Variants in PDZD2 observed in about 807,000 individuals in gnomAD.
The protein encoded by PDZD2 is PDZ domain-containing protein 2.
Under a neutral mutation model 220.7 loss-of-function variants are expected in PDZD2, and 90 were observed. The observed-to-expected ratio is 0.41, with a 90% CI of 0.34 to 0.49. The LOEUF (loss-of-function observed/expected upper bound fraction) is 0.49, where lower values mean the gene tolerates loss of function less well. Among genes scored for constraint, PDZD2 ranks in the 20% least tolerant of loss-of-function variants. The pLI is 0.28. For synonymous variants in PDZD2, 1,375 were observed against 1,450.5 expected (o/e 0.95, Z 1.18); for missense variants, 3,174 against 3,608.5 (o/e 0.88, Z 3.08).
Position 31,799,488 on chromosome 5 carries a change from A to C in PDZD2, c.240A>C (p.Thr80=), listed in dbSNP as rs1264649598. ...ACCTCACCAAGGAGCTGGGGGACAC[A>C]GAGACTGTGGGCCTGAGTTTTGGGA... The part of the protein sequence containing the change: ...TVYLTKELGD[T]ETVGLSFGNI... Residue 80 remains threonine, a synonymous_variant, in exon 2 of 25, where the codon ACA becomes ACC. Transcript: ENST00000438447. The C allele has an allele frequency of 2.5e-6, 4 of 1,614,106 alleles. No homozygotes were observed. Among genetic ancestry groups the C allele is most frequent in the Non-Finnish European group, 3.4e-6 (4 of 1,180,044 alleles).
intron 2 of PDZD2, among the ~76,000 whole-genome samples, chr5:31,813,792 A>G (rs1341069322): frequency 6.6e-6 from 1 of 152,238 alleles, no homozygotes; most frequent in Non-Finnish European, 1.5e-5. Flanking sequence ...CTGAAGTTTC[A>G]AAGAAAGAGT....
At chr5:32,082,693 TACAC>T (rs1742087906) in intron 19 of PDZD2, among the ~76,000 whole-genome samples, 1 of 152,236 alleles carries the variant, frequency 6.6e-6, no homozygotes, top group Non-Finnish European at 1.5e-5. Context: ...TAGTATATGA[TACAC>T]AGTAAGATAC....
intron 1 of PDZD2, among the ~76,000 whole-genome samples, chr5:31,706,991 A>C (rs1350859278): frequency 1.3e-5 from 2 of 151,684 alleles, no homozygotes; most frequent in African/African-American, 4.8e-5. Context: ...GCTTTTAAGG[A>C]GGTAATTAAA....
chr5:31,917,843 A>G (rs757988243), intron 2 of PDZD2, among the ~76,000 whole-genome samples: 2 of 152,104 alleles, frequency 1.3e-5, no homozygotes, highest in African/African-American at 2.4e-5. Context: ...CCCAGGTTCA[A>G]TCAATTCTGT....
intron 1 of PDZD2, among the ~76,000 whole-genome samples, chr5:31,786,722 A>C (rs1753402139): frequency 6.6e-6 from 1 of 152,116 alleles, no homozygotes; most frequent in Non-Finnish European, 1.5e-5. Context: ...AAACCACCTC[A>C]TTTGGCAGGT....
intron 1 of PDZD2, among the ~76,000 whole-genome samples, chr5:31,669,495 T>A (rs1228132221): frequency 6.6e-6 from 1 of 151,948 alleles, no homozygotes; most frequent in East Asian, 1.9e-4. Context: ...TGTCCTGGCC[T>A]CATCTCCCGT....
chr5:32,101,770 T>C (rs1001791841), intron 24 of PDZD2, among the ~76,000 whole-genome samples: 6 of 152,264 alleles, frequency 3.9e-5, no homozygotes, highest in African/African-American at 1.4e-4. Flanking sequence ...ATTATTGAAA[T>C]GCTTGGTAAA....
At chr5:32,002,359 C>G (rs1362531488) in intron 5 of PDZD2, among the ~76,000 whole-genome samples, 1 of 152,024 alleles carries the variant, frequency 6.6e-6, no homozygotes, top group Non-Finnish European at 1.5e-5. Flanking sequence ...TCTCTTGAGT[C>G]CATCGCGCTC....
At chr5:31,823,805 T>G (rs1354493300) in intron 2 of PDZD2, among the ~76,000 whole-genome samples, 1 of 152,190 alleles carries the variant, frequency 6.6e-6, no homozygotes, top group African/African-American at 2.4e-5. Flanking sequence ...TTTACAGATG[T>G]TTTACAGGAG....
chr5:31,803,572 T>C (rs944519239), intron 2 of PDZD2, among the ~76,000 whole-genome samples: 2 of 151,946 alleles, frequency 1.3e-5, no homozygotes, highest in African/African-American at 4.8e-5. Flanking sequence ...AGGGAGAATA[T>C]TGGCTTGGTG....
chr5:31,857,819 G>T (rs1182740135), intron 2 of PDZD2, among the ~76,000 whole-genome samples: 2 of 151,478 alleles, frequency 1.3e-5, no homozygotes, highest in Non-Finnish European at 3.0e-5. Context: ...TCGTGTGTGT[G>T]TATTTTTATT....
At chr5:31,901,680 G>A (rs1007161517) in intron 2 of PDZD2, among the ~76,000 whole-genome samples, 10 of 152,070 alleles carry the variant, frequency 6.6e-5, no homozygotes, top group African/African-American at 1.4e-4. Flanking sequence ...GTAAATTCAA[G>A]CAGATCTGTA....
chr5:32,069,511 T>G (rs1014799233), intron 14 of PDZD2, 58 bp from the exon 15 acceptor site: 3 of 996,804 alleles, frequency 3.0e-6, no homozygotes, highest in Non-Finnish European at 4.8e-6. Flanking sequence ...CTAGGTACTT[T>G]CATTGGGAGA....
At chr5:31,877,273 C>T (rs1054309109) in intron 2 of PDZD2, among the ~76,000 whole-genome samples, 7 of 151,882 alleles carry the variant, frequency 4.6e-5, no homozygotes, top group African/African-American at 1.7e-4. Context: ...TGGAGTGCAG[C>T]GGTGCAATCT....
At position 32,098,262 on chromosome 5, in the gene PDZD2, G is replaced by T; in HGVS notation, c.7948-102G>T. 1 of 1,155,184 alleles carries T rather than the reference G, an allele frequency of 8.7e-7. No individual in the cohort carries two copies. The highest frequency in any genetic ancestry group is 1.5e-5 in the African/African-American group (1 of 64,590). The allele number at this position is 1,155,184 out of a possible 1,614,324, so 71.6% of individuals were successfully genotyped here. A position where few individuals can be genotyped will look rare whatever the true frequency, so the allele number is the denominator to read the frequency against. On this transcript the variant is annotated intron_variant, in intron 22 of 24. Coordinates refer to ENST00000438447, the MANE Select transcript of PDZD2 (RefSeq NM_178140.4). This position sits in a 1 kb window ranked among gnomAD's most constrained non-coding sequence, Gnocchi z 4.1. ...CTCTCAAAAAATAAAAATAAAAAAG[G>T]AAGGTTCCTTTACTACAGATACGCA...
intron 1 of PDZD2, among the ~76,000 whole-genome samples, chr5:31,659,044 A>T (rs1369337782): frequency 6.6e-6 from 1 of 152,060 alleles, no homozygotes; most frequent in African/African-American, 2.4e-5. Flanking sequence ...CCTCCCAGTG[A>T]ATCTTTTCCA....
In PDZD2 at chr5:32,000,259, G is replaced by C. The variant is rs746079809; in HGVS notation, c.1242G>C (p.Val414=). ...CCGCCACGGGAATGGTGCAGCTTGT[G>C]GTGGCCAGCAAGGTAGGTCGTGTTT... ...LRSATGMVQL[V]VASKENSAED... is the part of the protein sequence containing the mutation. The change falls in exon 5 of 25, where the codon GTG becomes GTC. Residue 414 remains valine, a synonymous_variant. Coordinates refer to ENST00000438447, the MANE Select transcript of PDZD2 (RefSeq NM_178140.4). This position sits in a 1 kb window ranked among gnomAD's most constrained non-coding sequence, Gnocchi z 4.5. The C allele has an allele frequency of 3.1e-6, 5 of 1,614,122 alleles. No homozygotes were observed. Among genetic ancestry groups the C allele is most frequent in the East Asian group, 2.2e-5 (1 of 44,862 alleles).
intron 5 of PDZD2, among the ~76,000 whole-genome samples, chr5:32,009,671 G>A (rs1349882887): frequency 6.6e-6 from 1 of 152,192 alleles, no homozygotes; most frequent in African/African-American, 2.4e-5. Flanking sequence ...GTTTGAGGTT[G>A]CAGTGAGCTA....
intron 2 of PDZD2, among the ~76,000 whole-genome samples, chr5:31,869,686 C>G (rs1229528687): frequency 6.6e-6 from 1 of 152,214 alleles, no homozygotes; most frequent in Non-Finnish European, 1.5e-5. Flanking sequence ...GACGGGGACT[C>G]CCTTGAAGAT....
Sources: gnomAD v4.1 joint callset for allele counts (sites outside exome capture counted in the v4.1 genomes callset) on GRCh38, gnomAD v4.1.1 for gene constraint, Gnocchi (gnomAD v3.1) non-coding constraint, MANE v1.5 for transcripts, NCBI Gene and HGNC (gene_info 2026-07-23, HGNC 2026-07-21) for gene names.